Variants in PHTF2 observed in about 807,000 individuals in gnomAD.
PHTF2 encodes protein PHTF2.
In PHTF2, 60 loss-of-function variants were observed where a neutral mutation model predicts 101.2. The ratio of observed to expected loss-of-function variants is 0.59; its 90% CI spans 0.48 to 0.73. The LOEUF is 0.73. PHTF2 is among the 30% of genes least tolerant of loss of function. The pLI, the probability that PHTF2 is intolerant of heterozygous loss-of-function variation, is 0.00. For missense variants in PHTF2, 747 were observed against 908.7 expected (o/e 0.82, Z 2.29); for synonymous variants, 311 against 307.3 (o/e 1.01, Z -0.13).
intron 1 of PHTF2, among the ~76,000 whole-genome samples, chr7:77,828,664 A>G (rs954927411): frequency 2.0e-5 from 3 of 152,148 alleles, no homozygotes; most frequent in African/African-American, 4.8e-5. Context: ...CAAAATTTAT[A>G]TAGGAAAAAG....
intron 2 of PHTF2, among the ~76,000 whole-genome samples, chr7:77,848,671 T>C (rs1187274431): frequency 1.3e-5 from 2 of 152,172 alleles, no homozygotes; most frequent in South Asian, 4.1e-4. Context: ...GTCTCTTTGT[T>C]GATATTTTCC....
At chr7:77,854,935 A>G (rs1403770948) in intron 3 of PHTF2, 1 of 629,384 alleles carries the variant, frequency 1.6e-6, no homozygotes, top group African/African-American at 1.8e-5. Context: ...GCCTGGAATC[A>G]AGGAACCCAG....
chr7:77,863,706 A>G (rs73138429), intron 3 of PHTF2, among the ~76,000 whole-genome samples: 1 of 151,178 alleles, frequency 6.6e-6, no homozygotes, highest in Non-Finnish European at 1.5e-5. Context: ...ATGTCCTGAT[A>G]GGATTTACAC....
At chr7:77,872,367 C>G (rs1798591730) in intron 3 of PHTF2, among the ~76,000 whole-genome samples, 1 of 152,200 alleles carries the variant, frequency 6.6e-6, no homozygotes, top group Admixed American at 6.5e-5. Flanking sequence ...AGAGGTCCAT[C>G]CACATACCTC....
intron 2 of PHTF2, among the ~76,000 whole-genome samples, chr7:77,852,467 T>G (rs1179632636): frequency 6.6e-6 from 1 of 152,254 alleles, no homozygotes. Flanking sequence ...TAATACCGAT[T>G]GCAAAAACTA....
intron 3 of PHTF2, among the ~76,000 whole-genome samples, chr7:77,873,023 G>A (rs1268943602): frequency 6.6e-6 from 1 of 151,914 alleles, no homozygotes; most frequent in Non-Finnish European, 1.5e-5. Context: ...TCTGCCTCCC[G>A]GGTTCAAGCG....
chr7:77,893,878 T>C (rs1800659253), intron 4 of PHTF2, 104 bp from the exon 4 acceptor site: 4 of 862,688 alleles, frequency 4.6e-6, no homozygotes, highest in Non-Finnish European at 7.7e-6. Context: ...TAAAATTGAA[T>C]TTCTAATGAC....
chr7:77,923,473 G>C, intron 11 of PHTF2: 2 of 985,088 alleles, frequency 2.0e-6, no homozygotes, highest in Non-Finnish European at 2.4e-6. Flanking sequence ...CACATGTTAC[G>C]CTGTGCTGGA....
At chr7:77,907,377 G>A (rs1801960044) in intron 7 of PHTF2, among the ~76,000 whole-genome samples, 1 of 152,082 alleles carries the variant, frequency 6.6e-6, no homozygotes, top group Non-Finnish European at 1.5e-5. Flanking sequence ...TTGGTATATT[G>A]GACCAGGATT....
At chr7:77,820,121 T>G (rs921890848) in intron 1 of PHTF2, among the ~76,000 whole-genome samples, 2 of 152,180 alleles carry the variant, frequency 1.3e-5, no homozygotes, top group African/African-American at 4.8e-5. Context: ...ACTCTCGACC[T>G]CAGATGATCT....
At chr7:77,828,921 C>T (rs943191452) in intron 1 of PHTF2, among the ~76,000 whole-genome samples, 4 of 152,050 alleles carry the variant, frequency 2.6e-5, no homozygotes, top group Admixed American at 2.6e-4. Flanking sequence ...CACCTATAAT[C>T]CTAGTACTTT....
chr7:77,855,164 G>A (rs1797075350), intron 3 of PHTF2, among the ~76,000 whole-genome samples: 1 of 152,200 alleles, frequency 6.6e-6, no homozygotes, highest in Non-Finnish European at 1.5e-5. Context: ...AAGACCCAAG[G>A]GGTCTTTAGT....
Position 77,956,623 on chromosome 7 carries a change from G to A in PHTF2, c.*1745G>A, listed in dbSNP as rs1807006064. The A allele has an allele frequency of 2.0e-5, 3 of 152,516 alleles. No homozygotes were observed. The South Asian group carries it at 6.2e-4, about 32-fold the overall frequency. 9.4% of individuals were successfully genotyped at this position (152,516 alleles called of 1,614,324 possible). On this transcript the variant is annotated 3_prime_UTR_variant, in exon 20 of 20. Transcript: ENST00000416283. ...GTTTTTCCTTCCTCTATTGTCTAAT[G>A]TTGAGGTTGTTTTTAGGAATTATGT...
chr7:77,909,012 G>T, intron 8 of PHTF2, 54 bp downstream of exon 7: 1 of 1,257,704 alleles, frequency 8.0e-7, no homozygotes, highest in South Asian at 1.5e-5. Context: ...TTGAATCTAC[G>T]ATTGTTCTTG....
intron 3 of PHTF2, among the ~76,000 whole-genome samples, chr7:77,873,640 G>T (rs141664907): frequency 3.9e-5 from 6 of 152,264 alleles, no homozygotes; most frequent in Admixed American, 3.9e-4. Flanking sequence ...TGGAAAGGCT[G>T]ATGGCAGCAT....
chr7:77,826,264 A>G (rs532236820), intron 1 of PHTF2, among the ~76,000 whole-genome samples: 156 of 152,360 alleles, frequency 1.0e-3, no homozygotes, highest in African/African-American at 3.5e-3. Context: ...ATTATTGTCA[A>G]TTCCAGAAGA....
chr7:77,840,428 T>C (rs914572014), intron 2 of PHTF2, 128 bp downstream of exon 2: 5 of 590,656 alleles, frequency 8.5e-6, no homozygotes, highest in African/African-American at 3.8e-5. Context: ...CTTGTACTTA[T>C]TTTACTTCTA....
At chr7:77,949,517 C>T (rs1806356611) in intron 16 of PHTF2, among the ~76,000 whole-genome samples, 161 bp from the exon 16 acceptor site, 1 of 152,020 alleles carries the variant, frequency 6.6e-6, no homozygotes, top group African/African-American at 2.4e-5. Context: ...TATTAATTAC[C>T]TTATACTCTA....
intron 1 of PHTF2, among the ~76,000 whole-genome samples, chr7:77,816,720 C>G (rs1003213122): frequency 1.3e-5 from 2 of 152,214 alleles, no homozygotes; most frequent in African/African-American, 4.8e-5. Flanking sequence ...TCTGATCTCT[C>G]TCTTCCTTAT....
Sources: allele counts gnomAD v4.1 joint callset (sites outside exome capture counted in the v4.1 genomes callset), GRCh38; gene constraint gnomAD v4.1.1; transcripts MANE v1.5; gene names NCBI Gene and HGNC (gene_info 2026-07-23, HGNC 2026-07-21).